Variants in EFNA2 observed in about 807,000 individuals in gnomAD.
EFNA2 encodes the protein ephrin-A2.
A neutral mutation model predicts 19.7 loss-of-function variants in EFNA2; 18 were observed. The ratio of observed to expected loss-of-function variants is 0.91; its 90% CI spans 0.63 to 1.35. The LOEUF (loss-of-function observed/expected upper bound fraction) is 1.35. EFNA2 is among the 40% of genes most tolerant of loss of function. The pLI is 0.00. For synonymous variants in EFNA2, 187 were observed against 137.8 expected (o/e 1.36, Z -2.50); for missense variants, 303 against 296.0 (o/e 1.02, Z -0.17).
rs550029184 is a variant in EFNA2 at position 1,287,575 on chromosome 19, G to A, written c.140+1267G>A. On this transcript the variant is annotated intron_variant, in intron 1 of 3. Coordinates refer to ENST00000215368, the MANE Select transcript of EFNA2 (RefSeq NM_001405.4). The surrounding 1 kb of genome is among the most constrained non-coding windows in gnomAD (Gnocchi z 6.2). Reference sequence around the variant, plus strand: ...CGGGGACAAGGGCGGCCCGTGTTCCGCCGTGGGGGTGGGGAACACGCACAG... The same window carrying A: ...CGGGGACAAGGGCGGCCCGTGTTCCACCGTGGGGGTGGGGAACACGCACAG... Among the ~76,000 whole-genome samples, 2 of 152,218 alleles carry A rather than the reference G, an allele frequency of 1.3e-5. No homozygotes were observed. The highest frequency in any genetic ancestry group is 2.1e-4 in the South Asian group (1 of 4,826).
chr19:1,285,670 C>G (rs2081459891), upstream of EFNA2, among the ~76,000 whole-genome samples: 1 of 151,692 alleles, frequency 6.6e-6, no homozygotes, highest in Admixed American at 6.6e-5. This position sits in a 1 kb window ranked among gnomAD's most constrained non-coding sequence, Gnocchi z 4.1. Flanking sequence ...CTCGGAGACC[C>G]CAGGCCGGGC....
Position 1,298,555 on chromosome 19 carries a change from C to T in EFNA2, c.459C>T (p.Ala153=), listed in dbSNP as rs750932890. ...TCCCCATCCCCTCTCTTCTAGCTGC[C>T]ACGCCTCCCAATGCTGTGGACCGGC... The part of the protein sequence containing the change: ...RPGHEYYYIS[A]TPPNAVDRPC... Residue 153 remains alanine, a synonymous_variant, in exon 3 of 4, where the codon GCC becomes GCT. Transcript: ENST00000215368. 2 of 1,613,976 alleles carry T rather than the reference C, an allele frequency of 1.2e-6. No individual in the cohort carries two copies. Among genetic ancestry groups the T allele is most frequent in the Non-Finnish European group, 8.5e-7 (1 of 1,179,982 alleles).
At chr19:1,289,935 C>T (rs982984947) in intron 1 of EFNA2, among the ~76,000 whole-genome samples, 20 of 152,088 alleles carry the variant, frequency 1.3e-4, no homozygotes, top group African/African-American at 4.6e-4. Flanking sequence ...CTGGTCCACT[C>T]GGCATTGGGG....
rs1193793658 is a variant in EFNA2, at chr19:1,287,116, G to A, written c.140+808G>A. Among the ~76,000 whole-genome samples, 1 of 152,218 alleles carries A rather than the reference G, an allele frequency of 6.6e-6. No individual in the cohort carries two copies. Among genetic ancestry groups the A allele is most frequent in the Non-Finnish European group, 1.5e-5 (1 of 68,032 alleles). ...CCCCCTTGTTTTGAACCAGGTCCGG[G>A]CCAGGCACAACGTGGGGGACAGGAG... On this transcript the variant is annotated intron_variant, in intron 1 of 3. Transcript: ENST00000215368. This position sits in a 1 kb window ranked among gnomAD's most constrained non-coding sequence, Gnocchi z 6.2.
chr19:1,297,064 G>A lies in EFNA2; in HGVS notation c.454+1206G>A, dbSNP rs2081519171. ...GGCCAGGCACTGCCCACCTGAGATG[G>A]GGATGATGGCATCACACTCGTGGCT... On this transcript the variant is annotated intron_variant, in intron 2 of 3. Coordinates refer to ENST00000215368, the MANE Select transcript of EFNA2 (RefSeq NM_001405.4). The surrounding 1 kb of genome is among the most constrained non-coding windows in gnomAD (Gnocchi z 5.0). 6.6e-6 allele frequency among the ~76,000 whole-genome samples: 1 copy of A among 152,230 alleles called. No individual in the cohort carries two copies. The highest frequency in any genetic ancestry group is 1.5e-5 in the Non-Finnish European group (1 of 68,032).
Position 1,296,117 on chromosome 19 carries a change from A to G in EFNA2, c.454+259A>G, listed in dbSNP as rs1398521759. Among the ~76,000 whole-genome samples the G allele has an allele frequency of 2.0e-5, 3 of 152,186 alleles. No homozygotes were observed. Among genetic ancestry groups the G allele is most frequent in the African/African-American group, 7.2e-5 (3 of 41,444 alleles). ...CGGTCACTGACCCCCTCCAGATGTC[A>G]AGTGCATGATGGACGTGCCATTCTC... On this transcript the variant is annotated intron_variant, in intron 2 of 3. Coordinates refer to ENST00000215368, the MANE Select transcript of EFNA2 (RefSeq NM_001405.4). The surrounding 1 kb of genome is among the most constrained non-coding windows in gnomAD (Gnocchi z 4.4).
In EFNA2 at chr19:1,286,208, C is replaced by T. The variant is rs780827292; in HGVS notation, c.40C>T (p.Leu14=). 1 of 1,099,722 alleles carries T rather than the reference C, an allele frequency of 9.1e-7. No homozygotes were observed. Among genetic ancestry groups the T allele is most frequent in the South Asian group, 2.2e-5 (1 of 46,176 alleles). The allele number at this position is 1,099,722 out of a possible 1,614,324, so 68.1% of individuals were successfully genotyped here. A position where few individuals can be genotyped will look rare whatever the true frequency, so the allele number is the denominator to read the frequency against. Residue 14 remains leucine, a synonymous_variant, in exon 1 of 4, where the codon CTG becomes TTG. Transcript: ENST00000215368. The surrounding 1 kb of genome is among the most constrained non-coding windows in gnomAD (Gnocchi z 5.6). ...GCGCCCGCTGCTCCCGCTGCTGCTC[C>T]TGCTGTTACCGCTGCCGCCGCCGCC... is the stretch of plus-strand genomic sequence containing the variant. ...AQRPLLPLLL[L]LLPLPPPPFA...
Position 1,297,412 on chromosome 19 carries a change from T to A in EFNA2, c.455-1139T>A, listed in dbSNP as rs2081520688. ...TTCTGAGACGGCAGTTTCATAAAGA[T>A]AATTATTGTAATTATTCGTCCTACC... On this transcript the variant is annotated intron_variant, in intron 2 of 3. Coordinates refer to ENST00000215368, the MANE Select transcript of EFNA2 (RefSeq NM_001405.4). This position sits in a 1 kb window ranked among gnomAD's most constrained non-coding sequence, Gnocchi z 5.0. Among the ~76,000 whole-genome samples the A allele has an allele frequency of 6.6e-6, 1 of 152,226 alleles. No individual in the cohort carries two copies. The highest frequency in any genetic ancestry group is 2.4e-5 in the African/African-American group (1 of 41,458).
In EFNA2 at chr19:1,287,536, CTT is replaced by C. The variant is rs368559604; in HGVS notation, c.140+1230_140+1231del. Among the ~76,000 whole-genome samples the C allele has an allele frequency of 1.3e-5, 2 of 152,266 alleles. No homozygotes were observed. The highest frequency in any genetic ancestry group is 4.8e-5 in the African/African-American group (2 of 41,550). On this transcript the variant is annotated intron_variant, in intron 1 of 3. Transcript: ENST00000215368. The surrounding 1 kb of genome is among the most constrained non-coding windows in gnomAD (Gnocchi z 6.2). ...GGAGGAAAGTTGCATGAAGGGGTCT[CTT>C]TGAGGCGGGCTCGGGGACAAGGGCG...
rs139810114 is a variant in EFNA2 at position 1,293,452 on chromosome 19, C to T, written c.141-2093C>T. Among the ~76,000 whole-genome samples, 23 of 152,022 alleles carry T rather than the reference C, an allele frequency of 1.5e-4. 1 individual carries two copies. Among genetic ancestry groups the T allele is most frequent in the African/African-American group, 5.1e-4 (21 of 41,492 alleles). On this transcript the variant is annotated intron_variant, in intron 1 of 3. Transcript: ENST00000215368. ...CCCCCGTGTCTGTGCGGACGCACCC[C>T]GAGTGTCCAACAGCCGGGAGGACCA...
chr19:1,296,945 G>A lies in EFNA2; in HGVS notation c.454+1087G>A, dbSNP rs1331210662. Among the ~76,000 whole-genome samples the A allele has an allele frequency of 6.6e-6, 1 of 152,218 alleles. No individual in the cohort carries two copies. Among genetic ancestry groups the A allele is most frequent in the African/African-American group, 2.4e-5 (1 of 41,452 alleles). ...CCGAAGCTGGCCTTTTTGTCCCTACGAAAGGCCAACGGCAGGTGGGGAACA... is the reference window on the plus strand; with the variant it reads ...CCGAAGCTGGCCTTTTTGTCCCTACAAAAGGCCAACGGCAGGTGGGGAACA... On this transcript the variant is annotated intron_variant, in intron 2 of 3. Coordinates refer to ENST00000215368, the MANE Select transcript of EFNA2 (RefSeq NM_001405.4). The surrounding 1 kb of genome is among the most constrained non-coding windows in gnomAD (Gnocchi z 4.4).
chr19:1,301,177 G>A lies in EFNA2; in HGVS notation c.*1232G>A, dbSNP rs561467474. 2.0e-5 allele frequency among the ~76,000 whole-genome samples: 3 copies of A among 150,014 alleles called. No homozygotes were observed. Among genetic ancestry groups the A allele is most frequent in the Non-Finnish European group, 4.4e-5 (3 of 67,686 alleles). On this transcript the variant is annotated 3_prime_UTR_variant, in exon 4 of 4. Coordinates refer to ENST00000215368, the MANE Select transcript of EFNA2 (RefSeq NM_001405.4). ...AATGAAGGAAACAACACATTTATAC[G>A]GATTTCATATTTCTACCCGCCTTTC...
Position 1,300,689 on chromosome 19 carries a change from C to A in EFNA2, c.*744C>A, listed in dbSNP as rs2081538650. On this transcript the variant is annotated 3_prime_UTR_variant, in exon 4 of 4. Transcript: ENST00000215368. The stretch of plus-strand genomic sequence containing the variant: ...CTGGGGAGACCTCATACCCCATCGC[C>A]CACCCCCGTCCTCCTGGTCATTTCC... Among the ~76,000 whole-genome samples the A allele has an allele frequency of 6.6e-6, 1 of 152,146 alleles. No homozygotes were observed. The highest frequency in any genetic ancestry group is 6.5e-5 in the Admixed American group (1 of 15,278).
rs780827292 is a variant in EFNA2, at chr19:1,286,208, C to G, written c.40C>G (p.Leu14Val). The change falls in exon 1 of 4, where the codon CTG (leucine) becomes GTG (valine). Residue 14 changes from leucine (L) to valine (V), a missense_variant. Physicochemically the swap from Leu to Val is conservative, Grantham distance 32 (BLOSUM62 1). Transcript: ENST00000215368. The surrounding 1 kb of genome is among the most constrained non-coding windows in gnomAD (Gnocchi z 5.6). ...AQRPLLPLLL[L>V]LLPLPPPPFA... ...GCGCCCGCTGCTCCCGCTGCTGCTCCTGCTGTTACCGCTGCCGCCGCCGCC... is the reference window on the plus strand; with the variant it reads ...GCGCCCGCTGCTCCCGCTGCTGCTCGTGCTGTTACCGCTGCCGCCGCCGCC... 1 of 1,099,610 alleles carries G rather than the reference C, an allele frequency of 9.1e-7. No individual in the cohort carries two copies. Among genetic ancestry groups the G allele is most frequent in the Non-Finnish European group, 1.1e-6 (1 of 893,204 alleles). 68.1% of individuals were successfully genotyped at this position (1,099,610 alleles called of 1,614,324 possible). A position where few individuals can be genotyped will look rare whatever the true frequency, so the allele number is the denominator to read the frequency against.
chr19:1,300,089 G>T lies in EFNA2; in HGVS notation c.*144G>T, dbSNP rs1287614562. The T allele has an allele frequency of 2.3e-5, 28 of 1,227,804 alleles. No homozygotes were observed. In the East Asian group the frequency reaches 7.7e-4, roughly 34 times the overall value. The allele number at this position is 1,227,804 out of a possible 1,614,324, so 76.1% of individuals were successfully genotyped here. On this transcript the variant is annotated 3_prime_UTR_variant, in exon 4 of 4. Transcript: ENST00000215368. The stretch of plus-strand genomic sequence containing the variant: ...CCTCGCCTGGTGCCGCCCCCGCCGG[G>T]CAGGGGCCATCCACCCGCCCCAGGA...
rs558346892 is a variant in EFNA2, at chr19:1,295,398, C to A, written c.141-147C>A. On this transcript the variant is annotated intron_variant, in intron 1 of 3. Transcript: ENST00000215368. This position sits in a 1 kb window ranked among gnomAD's most constrained non-coding sequence, Gnocchi z 5.8. ...TCCCCCCTGGCGCACCCTGACCCGT[C>A]CCCCGTGCTCCTGACCCCGGCCCTC... is the stretch of plus-strand genomic sequence containing the variant. 268 of 752,540 alleles carry A rather than the reference C, an allele frequency of 3.6e-4. No homozygotes were observed. Among genetic ancestry groups the A allele is most frequent in the Admixed American group, 1.6e-3 (49 of 30,982 alleles). The allele number at this position is 752,540 out of a possible 1,614,324, so 46.6% of individuals were successfully genotyped here. A position where few individuals can be genotyped will look rare whatever the true frequency, so the allele number is the denominator to read the frequency against.
rs149423024 is a variant in EFNA2 at position 1,289,517 on chromosome 19, G to C, written c.140+3209G>C. ...CCCTGGGGACGGGACCAGGGCCCGT[G>C]TGCAGACGGCCATCAAGCCTCAGAG... On this transcript the variant is annotated intron_variant, in intron 1 of 3. Coordinates refer to ENST00000215368, the MANE Select transcript of EFNA2 (RefSeq NM_001405.4). Among the ~76,000 whole-genome samples, 487 of 152,322 alleles carry C rather than the reference G, an allele frequency of 3.2e-3. 5 individuals carry two copies. Among genetic ancestry groups the C allele is most frequent in the African/African-American group, 0.01 (430 of 41,566 alleles).
At chr19:1,299,621 A>G (rs1050110182) in intron 3 of EFNA2, among the ~76,000 whole-genome samples, 2 of 151,826 alleles carry the variant, frequency 1.3e-5, no homozygotes, top group Non-Finnish European at 2.9e-5. Flanking sequence ...TGAAGGTTGA[A>G]TTCAACAGCC....
At chr19:1,290,847 G>A (rs1014379907) in intron 1 of EFNA2, among the ~76,000 whole-genome samples, 3 of 152,188 alleles carry the variant, frequency 2.0e-5, no homozygotes, top group Non-Finnish European at 4.4e-5. Flanking sequence ...ACGAGCCGGC[G>A]GGGTTTTTGC....
Sources: gnomAD v4.1 joint callset for allele counts (sites outside exome capture counted in the v4.1 genomes callset) on GRCh38, gnomAD v4.1.1 for gene constraint, Gnocchi (gnomAD v3.1) non-coding constraint, MANE v1.5 for transcripts, NCBI Gene and HGNC (gene_info 2026-07-23, HGNC 2026-07-21) for gene names.